The following ZNF681 variants were observed in gnomAD, a reference collection of about 807,000 sequenced individuals.
The protein encoded by ZNF681 is hypothetical protein FLJ31526.
Under a neutral mutation model 56.0 loss-of-function variants are expected in ZNF681, and 37 were observed. That is an observed-to-expected ratio of 0.66 (90% CI 0.51 to 0.87). The LOEUF is 0.87. Ranked by LOEUF, ZNF681 falls within the 40% of genes least tolerant of loss-of-function variation. ZNF681 has a pLI of 0.00. For synonymous variants in ZNF681, 225 were observed against 248.6 expected, an observed-to-expected ratio of 0.91 and a Z score of 0.89; for missense variants, 741 against 744.9, an observed-to-expected ratio of 0.99 and a Z score of 0.06.
At chr19:23,756,882 T>A (rs1360481361) in intron 1 of ZNF681, among the ~76,000 whole-genome samples, 1 of 152,046 alleles carries the variant, frequency 6.6e-6, no homozygotes, top group Non-Finnish European at 1.5e-5. Flanking sequence ...AAATTTATTT[T>A]TTTTTTGAGT....
chr19:23,757,124 G>A (rs1969134112), intron 1 of ZNF681, among the ~76,000 whole-genome samples: 1 of 151,972 alleles, frequency 6.6e-6, no homozygotes, highest in African/African-American at 2.4e-5. Context: ...CTCACCTCGT[G>A]ATCCACTTAC....
At position 23,745,184 on chromosome 19, in the gene ZNF681, C is replaced by T; in HGVS notation, c.366G>A (p.Val122=). The T allele has an allele frequency of 6.2e-7, 1 of 1,612,874 alleles. No individual in the cohort carries two copies. Among genetic ancestry groups the T allele is most frequent in the Non-Finnish European group, 8.5e-7 (1 of 1,179,720 alleles). The change falls in exon 4 of 4, where the codon GTG becomes GTA. Residue 122 remains valine (V), a synonymous_variant. Coordinates refer to ENST00000402377, the MANE Select transcript of ZNF681 (RefSeq NM_138286.3). The stretch of plus-strand genomic sequence containing the variant: ...TAAGTCCATTATAACCTCCTTTTTG[C>T]ACTTTGCACTCATCCACACTTTTAC... ...QLSKSVDECK[V]QKGGYNGLNQ...
Position 23,746,398 on chromosome 19 carries a change from G to A in ZNF681, c.227-1075C>T, listed in dbSNP as rs140162313. On this transcript the variant is annotated intron_variant, in intron 3 of 3. Coordinates refer to ENST00000402377, the MANE Select transcript of ZNF681 (RefSeq NM_138286.3). ...TGTACAAGAAGTGCATGCCAGCATC[G>A]ACTTCTGGTGAGGGTCTCACAAAGC... is the stretch of plus-strand genomic sequence containing the variant. Among the ~76,000 whole-genome samples the A allele has an allele frequency of 2.2e-4, 34 of 152,170 alleles. No homozygotes were observed. In the South Asian group the frequency reaches 2.5e-3, roughly 11 times the overall value.
chr19:23,744,562 T>C lies in ZNF681; in HGVS notation c.988A>G (p.Ile330Val). The C allele has an allele frequency of 6.2e-7, 1 of 1,613,840 alleles. No individual in the cohort carries two copies. The highest frequency in any genetic ancestry group is 1.1e-5 in the South Asian group (1 of 91,026). ...TAGGGTTTCTCTCCAGTATGAATTATCTTATGTCTGGTAAGGTGTGAGGAC... is the reference window on the plus strand; with the variant it reads ...TAGGGTTTCTCTCCAGTATGAATTACCTTATGTCTGGTAAGGTGTGAGGAC... ...NQSSHLTRHKIIHTGEKPYKC... is the reference protein window; with the variant it reads ...NQSSHLTRHKVIHTGEKPYKC... The change falls in exon 4 of 4, where the codon ATA becomes GTA. Residue 330 changes from isoleucine (I) to valine (V), a missense_variant. Physicochemically the swap from Ile to Val is conservative, Grantham distance 29. Coordinates refer to ENST00000402377, the MANE Select transcript of ZNF681 (RefSeq NM_138286.3).
In ZNF681 at chr19:23,755,898, G is replaced by A. The variant is rs113805144; in HGVS notation, c.4-347C>T. Among the ~76,000 whole-genome samples the A allele has an allele frequency of 1.2e-3, 190 of 152,160 alleles. 2 individuals carry two copies. The highest frequency in any genetic ancestry group is 4.1e-3 in the African/African-American group (169 of 41,530). On this transcript the variant is annotated intron_variant, in intron 1 of 3. Coordinates refer to ENST00000402377, the MANE Select transcript of ZNF681 (RefSeq NM_138286.3). ...TATGAATGCTTTTACACTGTTGGTG[G>A]GAATGTAAATTAGTTCAACCATTGT...
rs1382744263 is a variant in ZNF681, at chr19:23,742,012, T to C, written c.*1600A>G. The C allele has an allele frequency of 1.3e-5, 2 of 152,166 alleles. No homozygotes were observed. Among genetic ancestry groups the C allele is most frequent in the African/African-American group, 2.4e-5 (1 of 41,452 alleles). 9.4% of individuals were successfully genotyped at this position (152,166 alleles called of 1,614,324 possible). ...GATTACTAGAAATGTTAGTCCATTA[T>C]CTTATTAAATAGTGTATAGTTACCA... On this transcript the variant is annotated 3_prime_UTR_variant, in exon 4 of 4. Transcript: ENST00000402377.
rs945480898 is a variant in ZNF681, at chr19:23,758,852, A to C, written c.-103T>G. On this transcript the variant is annotated 5_prime_UTR_variant, in exon 1 of 4. Coordinates refer to ENST00000402377, the MANE Select transcript of ZNF681 (RefSeq NM_138286.3). ...CCTCTAGAAGAAGAGGACACAGAGC[A>C]GTGAAGACGAGACCCGGAGCTCGGG... 1 of 1,512,254 alleles carries C rather than the reference A, an allele frequency of 6.6e-7. No individual in the cohort carries two copies. Among genetic ancestry groups the C allele is most frequent in the Non-Finnish European group, 9.1e-7 (1 of 1,104,158 alleles). The allele number at this position is 1,512,254 out of a possible 1,614,324, so 93.7% of individuals were successfully genotyped here. A position where few individuals can be genotyped will look rare whatever the true frequency, so the allele number is the denominator to read the frequency against.
intron 3 of ZNF681, among the ~76,000 whole-genome samples, chr19:23,751,511 T>C (rs1969031238): frequency 6.6e-6 from 1 of 151,664 alleles, no homozygotes; most frequent in Admixed American, 6.6e-5. Context: ...AAAATTCTAT[T>C]CTCTAGATAA....
intron 3 of ZNF681, among the ~76,000 whole-genome samples, chr19:23,753,860 C>CAAAAAA (rs34755450): frequency 3.2e-5 from 4 of 123,848 alleles, no homozygotes; most frequent in African/African-American, 1.2e-4. Context: ...GACTTTGTCT[C>CAAAAAA]AAAAAAAAAA....
chr19:23,746,265 G>A (rs1325584096), intron 3 of ZNF681, among the ~76,000 whole-genome samples: 1 of 151,612 alleles, frequency 6.6e-6, no homozygotes, highest in Non-Finnish European at 1.5e-5. Flanking sequence ...AGTGAGCCAA[G>A]ATTGTGCCAC....
At chr19:23,752,033 G>A (rs1241620867) in intron 3 of ZNF681, among the ~76,000 whole-genome samples, 3 of 152,246 alleles carry the variant, frequency 2.0e-5, no homozygotes, top group South Asian at 2.1e-4. Flanking sequence ...ACCAGCCTGG[G>A]TTATGTAGCA....
In ZNF681 at chr19:23,744,085, G is replaced by A. The variant is rs796640787; in HGVS notation, c.1465C>T (p.Gln489Ter). Reference sequence around the variant, plus strand: ...TTATGTGTAGTAAGGATTGAGGACTGGTTAAAAGCTTTGCCACATTCTTCA... The same window carrying A: ...TTATGTGTAGTAAGGATTGAGGACTAGTTAAAAGCTTTGCCACATTCTTCA... ...KCEECGKAFN[Q>*]SSILTTHKRI... Residue 489 changes from glutamine (Q) to a stop codon, truncating the protein, a stop_gained, in exon 4 of 4, where the codon CAG becomes TAG. Coordinates refer to ENST00000402377, the MANE Select transcript of ZNF681 (RefSeq NM_138286.3). LOFTEE classifies it high-confidence loss of function. 1 of 1,603,084 alleles carries A rather than the reference G, an allele frequency of 6.2e-7. No individual in the cohort carries two copies.
chr19:23,758,616 T>C, intron 1 of ZNF681, 131 bp downstream of exon 1: 2 of 1,367,848 alleles, frequency 1.5e-6, no homozygotes, highest in Non-Finnish European at 2.1e-6. Flanking sequence ...CGCCATCTTA[T>C]GGTCCAAGTG....
Position 23,744,975 on chromosome 19 carries a change from C to T in ZNF681, c.575G>A (p.Cys192Tyr), listed in dbSNP as rs772474463. 1.2e-6 allele frequency: 2 copies of T among 1,601,390 alleles called. No individual in the cohort carries two copies. The highest frequency in any genetic ancestry group is 1.1e-5 in the South Asian group (1 of 88,314). The change falls in exon 4 of 4, where the codon TGT becomes TAT. Residue 192 changes from cysteine to tyrosine, a missense_variant. By Grantham distance (194) the Cys-to-Tyr change is radical. Coordinates refer to ENST00000402377, the MANE Select transcript of ZNF681 (RefSeq NM_138286.3). ...FSNLTQHKIICTRVNFYKCED... is the reference protein window; with the variant it reads ...FSNLTQHKIIYTRVNFYKCED... ...ACATTTGTAGAAATTTACTCTAGTA[C>T]AAATTATTTTATGTTGAGTTAGGTT... is the stretch of plus-strand genomic sequence containing the variant.
At position 23,745,313 on chromosome 19, in the gene ZNF681, A is replaced by T; in HGVS notation, c.237T>A (p.Ser79=). ...CTGGTGAAAAGTCTTGGGCAAAATG[A>T]GAACAAATAACTGAAAGAAATAAAA... ...RMVAEPPVIC[S]HFAQDFSPEQ... is the part of the protein sequence containing the mutation. Residue 79 remains serine, a synonymous_variant, in exon 4 of 4, where the codon TCT becomes TCA. Transcript: ENST00000402377. The T allele has an allele frequency of 6.5e-7, 1 of 1,543,732 alleles. No individual in the cohort carries two copies. The highest frequency in any genetic ancestry group is 8.7e-7 in the Non-Finnish European group (1 of 1,151,206).
Position 23,744,814 on chromosome 19 carries a change from T to A in ZNF681, c.736A>T (p.Ile246Leu). 6.2e-7 allele frequency: 1 copy of A among 1,613,496 alleles called. No homozygotes were observed. The highest frequency in any genetic ancestry group is 8.5e-7 in the Non-Finnish European group (1 of 1,179,786). Residue 246 changes from isoleucine (I) to leucine (L), a missense_variant, in exon 4 of 4, where the codon ATA becomes TTA. Coordinates refer to ENST00000402377, the MANE Select transcript of ZNF681 (RefSeq NM_138286.3). ...TAGAGTTTGTCTCTAGTATAAATTA[T>A]CTTATGTGTAGTAAGGTTTGTGAAC... ...NQFTNLTTHK[I>L]IYTRDKLYKR...
Position 23,744,778 on chromosome 19 carries a change from C to G in ZNF681, c.772G>C (p.Glu258Gln). Residue 258 changes from glutamate to glutamine, a missense_variant, in exon 4 of 4, where the codon GAA (glutamate) becomes CAA (glutamine). Coordinates refer to ENST00000402377, the MANE Select transcript of ZNF681 (RefSeq NM_138286.3). ...GACAGGTTAAAGGCTTTGCTACATTCTTCACGTTTGTAGAGTTTGTCTCTA... is the reference window on the plus strand; with the variant it reads ...GACAGGTTAAAGGCTTTGCTACATTGTTCACGTTTGTAGAGTTTGTCTCTA... ...YTRDKLYKREECSKAFNLSSH... is the reference protein window; with the variant it reads ...YTRDKLYKREQCSKAFNLSSH... The G allele has an allele frequency of 6.2e-7, 1 of 1,612,988 alleles. No individual in the cohort carries two copies. The highest frequency in any genetic ancestry group is 8.5e-7 in the Non-Finnish European group (1 of 1,179,470).
In ZNF681 at chr19:23,744,927, T is replaced by C. The variant is rs750521015; in HGVS notation, c.623A>G (p.Asn208Ser). 3.1e-6 allele frequency: 5 copies of C among 1,602,918 alleles called. No homozygotes were observed. The South Asian group carries it at 3.4e-5, about 11-fold the overall frequency. ...YKCEDCGKAFNGSSIFTKHKR... is the reference protein window; with the variant it reads ...YKCEDCGKAFSGSSIFTKHKR... Reference sequence around the variant, plus strand: ...ATGTTTAGTAAAGATTGAGGATCCATTAAAGGCTTTTCCACAGTCTTCACA... The same window carrying C: ...ATGTTTAGTAAAGATTGAGGATCCACTAAAGGCTTTTCCACAGTCTTCACA... The change falls in exon 4 of 4, where the codon AAT (asparagine) becomes AGT (serine). Residue 208 changes from asparagine (N) to serine (S), a missense_variant. Coordinates refer to ENST00000402377, the MANE Select transcript of ZNF681 (RefSeq NM_138286.3).
At chr19:23,757,386 A>C (rs1555714217) in intron 1 of ZNF681, among the ~76,000 whole-genome samples, 1 of 151,856 alleles carries the variant, frequency 6.6e-6, no homozygotes, top group Non-Finnish European at 1.5e-5. Flanking sequence ...TCTGTCATTG[A>C]TTTTTTTTAA....
Sources: allele counts gnomAD v4.1 joint callset (sites outside exome capture counted in the v4.1 genomes callset), GRCh38; gene constraint gnomAD v4.1.1; transcripts MANE v1.5; gene names NCBI Gene and HGNC (gene_info 2026-07-23, HGNC 2026-07-21).